Variants in TRIM29 observed in about 807,000 individuals in gnomAD.
TRIM29 encodes the protein tripartite motif containing 29.
TRIM29 carries 52 observed loss-of-function variants against 57.3 expected under a neutral mutation model. That is an observed-to-expected ratio of 0.91 (90% confidence interval 0.73 to 1.14). The LOEUF (loss-of-function observed/expected upper bound fraction) is 1.14, where lower values mean the gene tolerates loss of function less well. Among genes scored for constraint, TRIM29 ranks in the 50% most tolerant of loss-of-function variants. The pLI is 0.00. For missense variants in TRIM29, 753 were observed against 774.6 expected (o/e 0.97, Z 0.33); for synonymous variants, 319 against 316.9 (o/e 1.01, Z -0.07).
chr11:120,131,879 G>A (rs1474514888), intron 1 of TRIM29, among the ~76,000 whole-genome samples: 4 of 148,686 alleles, frequency 2.7e-5, no homozygotes, highest in Non-Finnish European at 5.9e-5. Flanking sequence ...TGAGCATCTA[G>A]TATGTGCCAG....
chr11:120,120,344 TACACACACAC>T (rs71050727), intron 6 of TRIM29, among the ~76,000 whole-genome samples: 34,026 of 137,924 alleles, frequency 0.25, 4,522 homozygotes, highest in Non-Finnish European at 0.29. Context: ...CCCACACATG[TACACACACAC>T]ACACACACAC....
rs541266138 is a variant in TRIM29, at chr11:120,131,758, T to C, written c.805-3263A>G. On this transcript the variant is annotated intron_variant, in intron 1 of 8. Transcript: ENST00000341846. The stretch of plus-strand genomic sequence containing the variant: ...AGCTAGGGATGCACCTTGTGTCTGT[T>C]CAGCTCTTGGCAATTTTTCCTGTAT... Among the ~76,000 whole-genome samples the C allele has an allele frequency of 1.1e-3, 172 of 151,706 alleles. 2 individuals carry two copies. Among genetic ancestry groups the C allele is most frequent in the Admixed American group, 3.5e-3 (53 of 15,232 alleles).
intron 1 of TRIM29, among the ~76,000 whole-genome samples, chr11:120,133,530 C>A (rs1031804120): frequency 6.6e-6 from 1 of 152,042 alleles, no homozygotes; most frequent in Non-Finnish European, 1.5e-5. Context: ...CCCAGAGAGG[C>A]CCCCCTACCT....
chr11:120,123,227 G>A lies in TRIM29; in HGVS notation c.1334-172C>T, dbSNP rs191082832. The A allele has an allele frequency of 7.5e-4, 529 of 703,242 alleles. 3 individuals are homozygous for A. The highest frequency in any genetic ancestry group is 6.9e-3 in the African/African-American group (395 of 57,324). The allele number at this position is 703,242 out of a possible 1,614,324, so 43.6% of individuals were successfully genotyped here. A position where few individuals can be genotyped will look rare whatever the true frequency, so the allele number is the denominator to read the frequency against. Reference sequence around the variant, plus strand: ...ATGACGCCCTGCCCAGCATTCACTCGGTTCCTGAGCTCTTGGTGGAGAAGG... The same window carrying A: ...ATGACGCCCTGCCCAGCATTCACTCAGTTCCTGAGCTCTTGGTGGAGAAGG... On this transcript the variant is annotated intron_variant, in intron 4 of 8. Coordinates refer to ENST00000341846, the MANE Select transcript of TRIM29 (RefSeq NM_012101.4).
chr11:120,123,116 G>T, intron 4 of TRIM29, 61 bp from the exon 5 acceptor site: 1 of 1,437,646 alleles, frequency 7.0e-7, no homozygotes, highest in South Asian at 1.1e-5. Context: ...CCAGCCACTG[G>T]GGACTTTTGG....
In TRIM29 at chr11:120,120,640, G is replaced by A. The variant is rs147826385; in HGVS notation, c.1461C>T (p.Pro487=). ...PKGGVRTSYQ[P]SSPGRFTKET... Reference sequence around the variant, plus strand: ...CCTTGGTGAAGCGGCCAGGAGACGAGGGCTGGTATGATGTCCGGACCCCAC... The same window carrying A: ...CCTTGGTGAAGCGGCCAGGAGACGAAGGCTGGTATGATGTCCGGACCCCAC... Residue 487 remains proline, a synonymous_variant, in exon 6 of 9, where the codon CCC becomes CCT. Transcript: ENST00000341846. 566 of 1,613,872 alleles carry A rather than the reference G, an allele frequency of 3.5e-4. 4 individuals are homozygous for A. The Middle Eastern group carries it at 4.3e-3, about 12-fold the overall frequency.
At position 120,112,445 on chromosome 11, in the gene TRIM29, C is replaced by T. The variant is rs773651105; in HGVS notation, c.1736G>A (p.Gly579Asp). 3.1e-6 allele frequency: 5 copies of T among 1,613,064 alleles called. No homozygotes were observed. The African/African-American group carries it at 5.3e-5, about 17-fold the overall frequency. The change falls in exon 9 of 9, where the codon GGC becomes GAC. Residue 579 changes from glycine to aspartate, a missense_variant. Gly to Asp is a moderately conservative substitution (Grantham distance 94). Transcript: ENST00000341846. Reference sequence around the variant, plus strand: ...GGCTTCGTTGGACCCAATCCCGTTGCCTTTGTTGACGTAGAATGGCCGGTA... The same window carrying T: ...GGCTTCGTTGGACCCAATCCCGTTGTCTTTGTTGACGTAGAATGGCCGGTA... ...SHYRPFYVNK[G>D]NGIGSNEAP
intron 1 of TRIM29, among the ~76,000 whole-genome samples, chr11:120,135,069 C>G (rs1016359567): frequency 2.0e-5 from 3 of 152,152 alleles, no homozygotes; most frequent in African/African-American, 7.2e-5. Flanking sequence ...ATGCCAGAAC[C>G]CGAACTCTGA....
At chr11:120,127,273 G>A in intron 3 of TRIM29, 63 bp downstream of exon 3, 2 of 1,433,772 alleles carry the variant, frequency 1.4e-6, no homozygotes, top group Non-Finnish European at 1.9e-6. Context: ...GGATGTTGGA[G>A]GGGGGTCTCA....
chr11:120,117,315 C>T, intron 7 of TRIM29: 1 of 179,662 alleles, frequency 5.6e-6, no homozygotes, highest in Non-Finnish European at 1.2e-5. Flanking sequence ...CTGGGACCCT[C>T]CACCCATAGT....
At chr11:120,135,553 A>G (rs1565321928) in intron 1 of TRIM29, among the ~76,000 whole-genome samples, 1 of 152,142 alleles carries the variant, frequency 6.6e-6, no homozygotes, top group Admixed American at 6.5e-5. Flanking sequence ...TAACCTCCCA[A>G]GTAAACTCCC....
chr11:120,137,404 C>T lies in TRIM29; in HGVS notation c.628G>A (p.Asp210Asn), dbSNP rs780316630. The change falls in exon 1 of 9, where the codon GAC becomes AAC. Residue 210 changes from aspartate (D) to asparagine (N), a missense_variant. Asp to Asn is a conservative substitution (Grantham distance 23). Coordinates refer to ENST00000341846, the MANE Select transcript of TRIM29 (RefSeq NM_012101.4). The surrounding 1 kb of genome is among the most constrained non-coding windows in gnomAD (Gnocchi z 6.2). ...CGGATGGGCTCGAGCAGCTGGTGGT[C>T]TCGGAAGGCGGCGCCCTCCAGGTGG... ...KPHLEGAAFR[D>N]HQLLEPIRDF... 4.0e-5 allele frequency: 64 copies of T among 1,611,704 alleles called. No individual in the cohort carries two copies. Among genetic ancestry groups the T allele is most frequent in the Non-Finnish European group, 5.4e-5 (64 of 1,180,024 alleles).
chr11:120,115,524 G>T, intron 7 of TRIM29, 110 bp from the exon 8 acceptor site: 3 of 934,012 alleles, frequency 3.2e-6, no homozygotes, highest in African/African-American at 1.6e-5. Context: ...GCATCATCCA[G>T]CCCATTACCA....
At chr11:120,125,968 A>G in intron 3 of TRIM29, 79 bp from the exon 4 acceptor site, 1 of 1,442,328 alleles carries the variant, frequency 6.9e-7, no homozygotes, top group Non-Finnish European at 9.5e-7. Context: ...GGGCTCTCAC[A>G]GTGCAGCTGG....
rs1591327383 is a variant in TRIM29, at chr11:120,127,472, T to C, written c.998A>G (p.Glu333Gly). 1 of 1,614,174 alleles carries C rather than the reference T, an allele frequency of 6.2e-7. No homozygotes were observed. Residue 333 changes from glutamate to glycine, a missense_variant, in exon 3 of 9, where the codon GAG (glutamate) becomes GGG (glycine). Glu to Gly is a moderately conservative substitution (Grantham distance 98). Transcript: ENST00000341846. ...GTCCACAGCATCCTGCTCCCGCTGC[T>C]CCAGCGCAGCCCTCACTTCCTCCTT... Reference protein sequence around the residue: ...KQKEEVRAALEQREQDAVDQV... With the variant: ...KQKEEVRAALGQREQDAVDQV...
chr11:120,116,313 A>G (rs2134983972), intron 7 of TRIM29: 1 of 152,466 alleles, frequency 6.6e-6, no homozygotes, highest in East Asian at 1.9e-4. Context: ...AGGCACTCTC[A>G]GTGTCAGCCA....
rs1591328801 is a variant in TRIM29, at chr11:120,128,865, G to A, written c.805-370C>T. 3 of 1,485,568 alleles carry A rather than the reference G, an allele frequency of 2.0e-6. No individual in the cohort carries two copies. The East Asian group carries it at 7.6e-5, about 38-fold the overall frequency. The allele number at this position is 1,485,568 out of a possible 1,614,324, so 92.0% of individuals were successfully genotyped here. On this transcript the variant is annotated intron_variant, in intron 1 of 8. Transcript: ENST00000341846. ...GACCTGGGGACAATGGGAAGAGAAA[G>A]GAAGGGGATCCAGCCCAGCTCAGCC...
At position 120,137,901 on chromosome 11, in the gene TRIM29, TTGG is replaced by T; in HGVS notation, c.128_130del (p.Thr43del). 1 of 1,610,786 alleles carries T rather than the reference TTGG, an allele frequency of 6.2e-7. No homozygotes were observed. ...CTCAGCTGCCTCCCCGCCGTGCCCG[TTGG>T]TGGTCTTGGCATCCTTGCCGTCAGC... On this transcript the variant is annotated inframe_deletion, in exon 1 of 9. Coordinates refer to ENST00000341846, the MANE Select transcript of TRIM29 (RefSeq NM_012101.4). This position sits in a 1 kb window ranked among gnomAD's most constrained non-coding sequence, Gnocchi z 6.2.
rs753677905 is a variant in TRIM29 at position 120,118,274 on chromosome 11, A to C, written c.1576T>G (p.Ser526Ala). The C allele has an allele frequency of 6.2e-7, 1 of 1,613,910 alleles. No individual in the cohort carries two copies. Among genetic ancestry groups the C allele is most frequent in the Non-Finnish European group, 8.5e-7 (1 of 1,179,982 alleles). ...TGGACGACGGGCAGGTCATTGTCAG[A>C]GTTCTGAATGCTGGAGGAGTACTCC... Reference protein sequence around the residue: ...VWEYSSSIQNSDNDLPVVQGS... With the variant: ...VWEYSSSIQNADNDLPVVQGS... Residue 526 changes from serine to alanine, a missense_variant, in exon 7 of 9, where the codon TCT becomes GCT. Physicochemically the swap from Ser to Ala is moderately conservative, Grantham distance 99 (BLOSUM62 1). Coordinates refer to ENST00000341846, the MANE Select transcript of TRIM29 (RefSeq NM_012101.4).
Sources: gnomAD v4.1 joint callset for allele counts (sites outside exome capture counted in the v4.1 genomes callset) on GRCh38, gnomAD v4.1.1 for gene constraint, Gnocchi (gnomAD v3.1) non-coding constraint, MANE v1.5 for transcripts, NCBI Gene and HGNC (gene_info 2026-07-23, HGNC 2026-07-21) for gene names.